MAF: variants seen among roughly 807,000 people sequenced by gnomAD.
The protein encoded by MAF is MAF bZIP transcription factor.
Under a neutral mutation model 22.0 loss-of-function variants are expected in MAF, and 10 were observed. The observed-to-expected ratio is 0.45, with a 90% CI of 0.28 to 0.77. MAF has a LOEUF of 0.77. Among genes scored for constraint, MAF ranks in the 30% least tolerant of loss-of-function variants. The probability of loss-of-function intolerance (pLI) is 0.12; values close to 1 mark genes in which losing one functional copy is unlikely to be tolerated. For missense variants in MAF, 544 were observed against 548.4 expected (o/e 0.99, Z 0.08); for synonymous variants, 337 against 255.8 (o/e 1.32, Z -3.03).
chr16:79,384,487 G>A, the MAF span, among the ~76,000 whole-genome samples: 2 of 150,062 alleles, frequency 1.3e-5, no homozygotes, highest in Admixed American at 6.7e-5. Flanking sequence ...GCCGGGCATG[G>A]TGGCTCACGC....
the MAF span, among the ~76,000 whole-genome samples, chr16:79,484,385 C>T: frequency 5.9e-5 from 9 of 152,156 alleles, no homozygotes; most frequent in East Asian, 1.9e-4. Flanking sequence ...CCATGGTGGC[C>T]GAAGAAGGAG....
At chr16:79,588,509 A>C (rs113081677) in intron 1 of MAF, among the ~76,000 whole-genome samples, 1,838 of 151,938 alleles carry the variant, frequency 0.012, 40 homozygotes, top group African/African-American at 0.042. Flanking sequence ...ATCTGGGCTT[A>C]CTGCAACCTC....
the MAF span, among the ~76,000 whole-genome samples, chr16:79,321,406 C>A: frequency 6.6e-6 from 1 of 152,116 alleles, no homozygotes; most frequent in African/African-American, 2.4e-5. Flanking sequence ...AATATCACAT[C>A]CTGCATTTTA....
At chr16:79,544,089 T>G in the MAF span, among the ~76,000 whole-genome samples, 2 of 152,084 alleles carry the variant, frequency 1.3e-5, no homozygotes, top group South Asian at 4.2e-4. Context: ...AAATTAAGTT[T>G]TAAAAAGCTA....
At chr16:79,598,525 C>T (rs1337447955) in intron 1 of MAF, 5 of 1,402,198 alleles carry the variant, frequency 3.6e-6, no homozygotes, top group African/African-American at 2.9e-5. Context: ...GCCAGACACC[C>T]ATTCCCTCCC....
chr16:79,394,395 C>T, the MAF span, among the ~76,000 whole-genome samples: 1 of 152,130 alleles, frequency 6.6e-6, no homozygotes. Context: ...CCTCCTTGTC[C>T]CACAGGCCAA....
At chr16:79,221,169 G>T in the MAF span, among the ~76,000 whole-genome samples, 1 of 152,174 alleles carries the variant, frequency 6.6e-6, no homozygotes, top group Non-Finnish European at 1.5e-5. Flanking sequence ...TCTTTGCCTG[G>T]TTTGCTAAGA....
chr16:79,253,606 A>C, the MAF span, among the ~76,000 whole-genome samples: 1 of 152,082 alleles, frequency 6.6e-6, no homozygotes, highest in African/African-American at 2.4e-5. Context: ...GGGCGTGGTC[A>C]CATACACATC....
At chr16:79,507,773 A>G in the MAF span, among the ~76,000 whole-genome samples, 1 of 152,188 alleles carries the variant, frequency 6.6e-6, no homozygotes. Context: ...TCGTAAATGA[A>G]CTGATAAGCA....
chr16:79,533,264 GT>G, the MAF span, among the ~76,000 whole-genome samples: 1 of 152,126 alleles, frequency 6.6e-6, no homozygotes, highest in African/African-American at 2.4e-5. Flanking sequence ...TCTCAGACCT[GT>G]TTTGTATTTC....
At chr16:79,222,293 A>G in the MAF span, among the ~76,000 whole-genome samples, 2 of 152,274 alleles carry the variant, frequency 1.3e-5, no homozygotes, top group South Asian at 2.1e-4. Context: ...ATTCTGAGCG[A>G]TTTTATCACC....
At chr16:79,357,253 CACAACAACAACAACAACAACAACAACA>C in the MAF span, among the ~76,000 whole-genome samples, 24 of 146,082 alleles carry the variant, frequency 1.6e-4, no homozygotes, top group African/African-American at 6.2e-4. Context: ...AAGACTCTGT[CACAACAACAACAACAACAACAACAACA>C]ACAACAACAA....
At chr16:79,546,089 A>C in the MAF span, among the ~76,000 whole-genome samples, 3 of 152,272 alleles carry the variant, frequency 2.0e-5, no homozygotes, top group East Asian at 3.9e-4. Flanking sequence ...ATTGGAAAAA[A>C]TAAACAAAAT....
the MAF span, among the ~76,000 whole-genome samples, chr16:79,281,744 A>C: frequency 2.6e-5 from 4 of 151,912 alleles, no homozygotes; most frequent in African/African-American, 9.7e-5. Flanking sequence ...ACGGGGTTTG[A>C]CCATGTTGGC....
the MAF span, among the ~76,000 whole-genome samples, chr16:79,265,479 T>G: frequency 6.7e-6 from 1 of 150,018 alleles, no homozygotes; most frequent in South Asian, 2.1e-4. Context: ...CTTATCCAAG[T>G]ACGATATGTT....
chr16:79,227,769 C>G, the MAF span, among the ~76,000 whole-genome samples: 1 of 151,926 alleles, frequency 6.6e-6, no homozygotes, highest in Non-Finnish European at 1.5e-5. Context: ...TTACGCTACT[C>G]TAAACAAATA....
the MAF span, among the ~76,000 whole-genome samples, chr16:79,577,741 T>C: frequency 2.6e-5 from 4 of 152,216 alleles, no homozygotes; most frequent in African/African-American, 9.6e-5. Flanking sequence ...GTCTCCACTG[T>C]TGTAGAGTTA....
chr16:79,347,232 C>G, the MAF span, among the ~76,000 whole-genome samples: 1 of 152,214 alleles, frequency 6.6e-6, no homozygotes, highest in Admixed American at 6.5e-5. Context: ...TTGACTGCAG[C>G]TGCACGTGTG....
the MAF span, among the ~76,000 whole-genome samples, chr16:79,255,387 C>T: frequency 9.8e-5 from 15 of 152,324 alleles, no homozygotes; most frequent in African/African-American, 3.4e-4. Flanking sequence ...TTTTGGGAGA[C>T]AGCTACCTCC....
Sources: allele counts gnomAD v4.1 joint callset (sites outside exome capture counted in the v4.1 genomes callset), GRCh38; gene constraint gnomAD v4.1.1; transcripts MANE v1.5; gene names NCBI Gene and HGNC (gene_info 2026-07-23, HGNC 2026-07-21).